EBF1: variants seen among roughly 807,000 people sequenced by gnomAD.
EBF1 encodes the protein EBF transcription factor 1.
In EBF1, 10 loss-of-function variants were observed where a neutral mutation model predicts 68.4. That is an observed-to-expected ratio of 0.15 (90% CI 0.09 to 0.25). The LOEUF (loss-of-function observed/expected upper bound fraction) is 0.25. Among genes scored for constraint, EBF1 ranks in the 10% least tolerant of loss-of-function variants. EBF1 has a pLI of 1.00. For missense variants in EBF1, 509 were observed against 794.4 expected (o/e 0.64, Z 4.32); for synonymous variants, 298 against 299.8 (o/e 0.99, Z 0.06).
chr5:158,839,665 G>C (rs1282755023), intron 7 of EBF1, among the ~76,000 whole-genome samples: 1 of 152,224 alleles, frequency 6.6e-6, no homozygotes, highest in Non-Finnish European at 1.5e-5. Flanking sequence ...TTACAGGCAT[G>C]AGCCACTGCG....
At chr5:159,087,305 C>T (rs1036626814) in intron 4 of EBF1, among the ~76,000 whole-genome samples, 9 of 135,734 alleles carry the variant, frequency 6.6e-5, no homozygotes, top group African/African-American at 1.4e-4. Flanking sequence ...TATATATATA[C>T]ACACACACAT....
At position 158,809,639 on chromosome 5, in the gene EBF1, G is replaced by A. The variant is rs139665099; in HGVS notation, c.779-13164C>T. Among the ~76,000 whole-genome samples, 53 of 152,100 alleles carry A rather than the reference G, an allele frequency of 3.5e-4. No homozygotes were observed. In the East Asian group the frequency reaches 9.1e-3, roughly 26 times the overall value. On this transcript the variant is annotated intron_variant, in intron 8 of 15. Transcript: ENST00000313708. ...CTTCTATTTCCAAGTTCAGAAAATG[G>A]CATCCTAATATAATAGCACAGGTGC...
chr5:158,810,913 C>T (rs1425184248), intron 8 of EBF1, among the ~76,000 whole-genome samples: 1 of 152,132 alleles, frequency 6.6e-6, no homozygotes, highest in Admixed American at 6.5e-5. Flanking sequence ...ATTTTAATTA[C>T]TAGGTCATCT....
In EBF1 at chr5:158,756,709, A is replaced by C. The variant is rs541339975; in HGVS notation, c.1036+20704T>G. ...TTCCCCAGTAAACATTTAATAAAGA[A>C]ATAGATGAATGAATGAAAGAATGAA... On this transcript the variant is annotated intron_variant, in intron 10 of 15. Coordinates refer to ENST00000313708, the MANE Select transcript of EBF1 (RefSeq NM_024007.5). Among the ~76,000 whole-genome samples, 3 of 151,962 alleles carry C rather than the reference A, an allele frequency of 2.0e-5. No homozygotes were observed. The East Asian group carries it at 5.8e-4, about 30-fold the overall frequency.
At chr5:158,804,529 AG>A (rs1781217441) in intron 8 of EBF1, among the ~76,000 whole-genome samples, 2 of 152,148 alleles carry the variant, frequency 1.3e-5, no homozygotes, top group Non-Finnish European at 2.9e-5. Context: ...AACTGTGTGC[AG>A]GTTCATTACA....
intron 6 of EBF1, among the ~76,000 whole-genome samples, chr5:158,887,991 G>A (rs762413456): frequency 2.0e-5 from 3 of 152,102 alleles, no homozygotes; most frequent in Non-Finnish European, 4.4e-5. Flanking sequence ...GGGGCTCTCT[G>A]TTTCCAGGGC....
chr5:158,714,350 C>A (rs1760147447), intron 11 of EBF1, among the ~76,000 whole-genome samples, 168 bp from the exon 12 acceptor site: 1 of 152,212 alleles, frequency 6.6e-6, no homozygotes, highest in African/African-American at 2.4e-5. Context: ...TATCCCTGTT[C>A]ACATACACAC....
intron 6 of EBF1, among the ~76,000 whole-genome samples, chr5:158,874,497 A>G (rs1450323684): frequency 1.3e-5 from 2 of 152,168 alleles, no homozygotes; most frequent in East Asian, 3.8e-4. Flanking sequence ...GCTCTTGGTA[A>G]ATGTCTACCG....
intron 10 of EBF1, among the ~76,000 whole-genome samples, chr5:158,736,338 G>A (rs1765174864): frequency 6.6e-6 from 1 of 152,168 alleles, no homozygotes; most frequent in South Asian, 2.1e-4. Flanking sequence ...GAAACACCAG[G>A]GGAAAAGTGC....
chr5:159,050,150 CTTT>C (rs1584261885), intron 6 of EBF1, among the ~76,000 whole-genome samples: 2 of 118,618 alleles, frequency 1.7e-5, no homozygotes, highest in East Asian at 5.8e-4. Flanking sequence ...GTTCGTTTCT[CTTT>C]CTCTCTCTCT....
intron 15 of EBF1, 52 bp from the exon 16 acceptor site, chr5:158,699,194 C>T (rs1756239450): frequency 6.5e-7 from 1 of 1,540,162 alleles, no homozygotes; most frequent in Non-Finnish European, 8.8e-7. Flanking sequence ...AAACTTCTCA[C>T]TGAGAAAAAT....
At chr5:158,806,587 G>A (rs762041922) in intron 8 of EBF1, among the ~76,000 whole-genome samples, 12 of 152,110 alleles carry the variant, frequency 7.9e-5, no homozygotes, top group Non-Finnish European at 1.6e-4. Context: ...TACTTAAGTA[G>A]TACCCTTAAC....
intron 11 of EBF1, among the ~76,000 whole-genome samples, chr5:158,726,729 G>T (rs1763066565): frequency 6.6e-6 from 1 of 152,212 alleles, no homozygotes; most frequent in Admixed American, 6.5e-5. Context: ...TGGGGGCCAG[G>T]TGTCAGGTGT....
In EBF1 at chr5:158,753,296, T is replaced by TA. The variant is rs1392771830; in HGVS notation, c.1037-22140dup. Among the ~76,000 whole-genome samples the TA allele has an allele frequency of 5.9e-5, 9 of 152,252 alleles. 1 individual carries two copies. In the East Asian group the frequency reaches 1.7e-3, roughly 29 times the overall value. On this transcript the variant is annotated intron_variant, in intron 10 of 15. Coordinates refer to ENST00000313708, the MANE Select transcript of EBF1 (RefSeq NM_024007.5). ...GAAAAGGCTTTGTGTATCTCCATCT[T>TA]ACTCTCTCCACAACTGTCAGCAACA...
intron 9 of EBF1, among the ~76,000 whole-genome samples, chr5:158,793,454 A>G (rs1226292006): frequency 1.3e-5 from 2 of 152,250 alleles, no homozygotes; most frequent in East Asian, 3.9e-4. Context: ...ACTACTTTCT[A>G]CTACTATACC....
At chr5:158,868,472 T>C (rs1796316072) in intron 6 of EBF1, among the ~76,000 whole-genome samples, 1 of 152,210 alleles carries the variant, frequency 6.6e-6, no homozygotes, top group African/African-American at 2.4e-5. Flanking sequence ...TTGGGTTTGT[T>C]TGTTTTTTTC....
At chr5:158,753,949 T>A (rs1769487017) in intron 10 of EBF1, among the ~76,000 whole-genome samples, 1 of 151,878 alleles carries the variant, frequency 6.6e-6, no homozygotes, top group Admixed American at 6.6e-5. Context: ...GCCCTAGATT[T>A]TTTTTTTCTG....
intron 6 of EBF1, among the ~76,000 whole-genome samples, chr5:159,012,693 T>C (rs1397522151): frequency 6.6e-6 from 1 of 152,132 alleles, no homozygotes; most frequent in African/African-American, 2.4e-5. Flanking sequence ...GAGAAAGGGT[T>C]TCGCCATGTT....
intron 9 of EBF1, among the ~76,000 whole-genome samples, chr5:158,792,050 G>A (rs1349681038): frequency 2.0e-5 from 3 of 152,072 alleles, no homozygotes; most frequent in Non-Finnish European, 4.4e-5. Flanking sequence ...TGGTAGAAAA[G>A]CAAAACAACC....
Sources: allele counts gnomAD v4.1 joint callset (sites outside exome capture counted in the v4.1 genomes callset), GRCh38; gene constraint gnomAD v4.1.1; transcripts MANE v1.5; gene names NCBI Gene and HGNC (gene_info 2026-07-23, HGNC 2026-07-21).